The following MANBA variants were observed in gnomAD, a reference collection of about 807,000 sequenced individuals.
MANBA encodes the protein beta-mannosidase.
A neutral mutation model predicts 111.1 loss-of-function variants in MANBA; 83 were observed. The ratio of observed to expected loss-of-function variants is 0.75; its 90% confidence interval spans 0.63 to 0.90. The LOEUF (loss-of-function observed/expected upper bound fraction) is 0.90. Among genes scored for constraint, MANBA ranks in the 40% least tolerant of loss-of-function variants. MANBA has a pLI of 0.00. For synonymous variants in MANBA, 370 were observed against 378.7 expected, an observed-to-expected ratio of 0.98 and a Z score of 0.27; for missense variants, 1,036 against 1,069.0, an observed-to-expected ratio of 0.97 and a Z score of 0.43.
At chr4:102,735,117 A>G (rs1375363311) in intron 1 of MANBA, among the ~76,000 whole-genome samples, 1 of 152,152 alleles carries the variant, frequency 6.6e-6, no homozygotes, top group Non-Finnish European at 1.5e-5. Context: ...TGGCCATGCA[A>G]TGTTAGTGAT....
At chr4:102,714,664 TTGCTATG>T in intron 4 of MANBA, 103 bp from the exon 5 acceptor site, 1 of 1,141,552 alleles carries the variant, frequency 8.8e-7, no homozygotes, top group Non-Finnish European at 1.3e-6. Flanking sequence ...GTATATAAGT[TTGCTATG>T]GCAGCCATAA....
At position 102,635,871 on chromosome 4, in the gene MANBA, T is replaced by G; in HGVS notation, c.2151A>C (p.Thr717=). 1.2e-6 allele frequency: 2 copies of G among 1,611,956 alleles called. No homozygotes were observed. The highest frequency in any genetic ancestry group is 1.7e-6 in the Non-Finnish European group (2 of 1,177,992). ...VSDLHSDYSM[T]LSVRVHTWSS... ...AACAATCCAAGTAACTTACACTGAGTGTCATCGAATAATCCGAGTGAAGAT... is the reference window on the plus strand; with the variant it reads ...AACAATCCAAGTAACTTACACTGAGGGTCATCGAATAATCCGAGTGAAGAT... The change falls in exon 15 of 17, where the codon ACA becomes ACC. Residue 717 remains threonine (T), a synonymous_variant. Coordinates refer to ENST00000647097, the MANE Select transcript of MANBA (RefSeq NM_005908.4).
chr4:102,721,097 G>A (rs766019613), intron 4 of MANBA, among the ~76,000 whole-genome samples: 3 of 152,206 alleles, frequency 2.0e-5, no homozygotes, highest in Admixed American at 1.3e-4. Context: ...GCCGAGGCGG[G>A]TGGATCACCT....
At chr4:102,652,167 C>T (rs1730362882) in intron 12 of MANBA, among the ~76,000 whole-genome samples, 1 of 152,092 alleles carries the variant, frequency 6.6e-6, no homozygotes, top group Non-Finnish European at 1.5e-5. Flanking sequence ...CTATAGTTAC[C>T]CCAAAGTGCT....
intron 1 of MANBA, chr4:102,753,822 C>T (rs1723897496): frequency 3.3e-6 from 1 of 299,050 alleles, no homozygotes; most frequent in Non-Finnish European, 6.7e-6. Flanking sequence ...GTGGCTCACA[C>T]CTGTAATCCC....
At chr4:102,659,686 C>T (rs565318832) in intron 11 of MANBA, among the ~76,000 whole-genome samples, 1 of 152,316 alleles carries the variant, frequency 6.6e-6, no homozygotes, top group Non-Finnish European at 1.5e-5. Context: ...ACATTCATTT[C>T]CTGATCATTT....
At chr4:102,675,644 T>A (rs1016022102) in intron 7 of MANBA, among the ~76,000 whole-genome samples, 25 of 152,218 alleles carry the variant, frequency 1.6e-4, no homozygotes, top group Non-Finnish European at 2.2e-4. Context: ...AAAACAAATT[T>A]TAATTTTAAT....
rs138259377 is a variant in MANBA at position 102,632,417 on chromosome 4, A to G, written c.2416-136T>C. ...ACAACTTTGGTTCTACAACTGCTAA[A>G]GTGCAGTTTCAAACACAAAACAATA... is the stretch of plus-strand genomic sequence containing the variant. On this transcript the variant is annotated intron_variant, in intron 16 of 16. Coordinates refer to ENST00000647097, the MANE Select transcript of MANBA (RefSeq NM_005908.4). 1.1e-3 allele frequency: 814 copies of G among 711,218 alleles called. 5 individuals are homozygous for G. The African/African-American group carries it at 0.013, about 11-fold the overall frequency. The allele number at this position is 711,218 out of a possible 1,614,324, so 44.1% of individuals were successfully genotyped here. A position where few individuals can be genotyped will look rare whatever the true frequency, so the allele number is the denominator to read the frequency against.
chr4:102,759,680 C>T (rs1346801276), intron 1 of MANBA, among the ~76,000 whole-genome samples: 2 of 151,990 alleles, frequency 1.3e-5, no homozygotes, highest in Non-Finnish European at 2.9e-5. Flanking sequence ...AGCCACAGTG[C>T]TTCAAAAACA....
At chr4:102,736,767 C>T (rs1723230093) in intron 1 of MANBA, among the ~76,000 whole-genome samples, 1 of 152,174 alleles carries the variant, frequency 6.6e-6, no homozygotes, top group African/African-American at 2.4e-5. Flanking sequence ...TGGAGACTCA[C>T]ACTGTGAATT....
rs576720503 is a variant in MANBA at position 102,665,324 on chromosome 4, T to C, written c.1318-472A>G. On this transcript the variant is annotated intron_variant, in intron 10 of 16. Transcript: ENST00000647097. ...ACTGAAAGAAGGACGGAGGTTCCTA[T>C]GCAGTCCTCACTGAGATCAGAAAAC... 4 of 180,194 alleles carry C rather than the reference T, an allele frequency of 2.2e-5. 1 individual carries two copies. In the South Asian group the frequency reaches 4.8e-4, roughly 22 times the overall value. The allele number at this position is 180,194 out of a possible 1,614,324, so 11.2% of individuals were successfully genotyped here. A position where few individuals can be genotyped will look rare whatever the true frequency, so the allele number is the denominator to read the frequency against.
intron 5 of MANBA, among the ~76,000 whole-genome samples, chr4:102,697,996 T>G (rs1259264594): frequency 5.9e-5 from 9 of 151,850 alleles, no homozygotes; most frequent in African/African-American, 1.2e-4. Flanking sequence ...TGTTCCTATT[T>G]CTCCACAACC....
At chr4:102,698,924 T>A (rs540307907) in intron 5 of MANBA, among the ~76,000 whole-genome samples, 1 of 152,232 alleles carries the variant, frequency 6.6e-6, no homozygotes, top group Non-Finnish European at 1.5e-5. Flanking sequence ...GGGGATGGCA[T>A]TGAATCTATA....
intron 8 of MANBA, chr4:102,671,866 T>C: frequency 2.4e-6 from 1 of 424,210 alleles, no homozygotes. Context: ...CTATTCACAT[T>C]ACCCTCAGGA....
chr4:102,707,367 T>C (rs1733346157), intron 5 of MANBA, among the ~76,000 whole-genome samples: 1 of 152,118 alleles, frequency 6.6e-6, no homozygotes, highest in African/African-American at 2.4e-5. Context: ...AAATCATCTT[T>C]CTAAGACAAG....
intron 1 of MANBA, among the ~76,000 whole-genome samples, chr4:102,749,165 G>A (rs1235022183): frequency 6.6e-6 from 1 of 152,088 alleles, no homozygotes; most frequent in East Asian, 1.9e-4. Context: ...AAATACTTAT[G>A]CTTTTATTAT....
chr4:102,733,403 G>A (rs1723100024), intron 1 of MANBA, among the ~76,000 whole-genome samples: 1 of 151,154 alleles, frequency 6.6e-6, no homozygotes, highest in African/African-American at 2.4e-5. Context: ...ACCCAGGCTG[G>A]AGTGCAGTGG....
chr4:102,723,046 G>C lies in MANBA; in HGVS notation c.379-5C>G, dbSNP rs1338247504. 2 of 1,612,826 alleles carry C rather than the reference G, an allele frequency of 1.2e-6. No individual in the cohort carries two copies. The highest frequency in any genetic ancestry group is 2.2e-5 in the East Asian group (1 of 44,878). On this transcript the variant is annotated splice_region_variant and splice_polypyrimidine_tract_variant and intron_variant, in intron 3 of 16. Coordinates refer to ENST00000647097, the MANE Select transcript of MANBA (RefSeq NM_005908.4). ...CACGTTGGTAATATCAAAGCTCTAAGTTAAAGGGAACAATCAGACAAACCC... is the reference window on the plus strand; with the variant it reads ...CACGTTGGTAATATCAAAGCTCTAACTTAAAGGGAACAATCAGACAAACCC...
chr4:102,648,487 C>A (rs1264814973), intron 13 of MANBA, among the ~76,000 whole-genome samples: 1 of 152,028 alleles, frequency 6.6e-6, no homozygotes, highest in Non-Finnish European at 1.5e-5. Context: ...TGCAAAAGAT[C>A]ACATATTGTA....
Sources: gnomAD v4.1 joint callset for allele counts (sites outside exome capture counted in the v4.1 genomes callset) on GRCh38, gnomAD v4.1.1 for gene constraint, MANE v1.5 for transcripts, NCBI Gene and HGNC (gene_info 2026-07-23, HGNC 2026-07-21) for gene names.